Variants in DCDC2C observed in about 807,000 individuals in gnomAD.
DCDC2C encodes doublecortin domain containing 2C.
In DCDC2C, 44 loss-of-function variants were observed where a neutral mutation model predicts 45.0. That is an observed-to-expected ratio of 0.98 (90% CI 0.77 to 1.26). DCDC2C has a LOEUF of 1.26. DCDC2C is among the 50% of genes most tolerant of loss of function. The probability of loss-of-function intolerance (pLI) is 0.00; values close to 1 mark genes in which losing one functional copy is unlikely to be tolerated. For synonymous variants in DCDC2C, 187 were observed against 178.8 expected (o/e 1.05, Z -0.37); for missense variants, 447 against 468.9 (o/e 0.95, Z 0.43).
intron 10 of DCDC2C, among the ~76,000 whole-genome samples, chr2:3,829,506 G>GC (rs1370933286): frequency 1.4e-4 from 22 of 151,978 alleles, no homozygotes; most frequent in Non-Finnish European, 4.4e-5. Flanking sequence ...CTGCCTTTTT[G>GC]ATCACATGTT....
chr2:3,723,604 G>A (rs1458545771), intron 2 of DCDC2C, among the ~76,000 whole-genome samples: 1 of 152,162 alleles, frequency 6.6e-6, no homozygotes, highest in Non-Finnish European at 1.5e-5. Flanking sequence ...GTAAGGGCAG[G>A]CCTTACTGAG....
At chr2:3,793,475 TG>T (rs1425249417) in intron 10 of DCDC2C, among the ~76,000 whole-genome samples, 4 of 152,232 alleles carry the variant, frequency 2.6e-5, no homozygotes, top group Admixed American at 6.5e-5. Context: ...CCAGATGGCC[TG>T]GCTCCCTGTC....
intron 4 of DCDC2C, among the ~76,000 whole-genome samples, chr2:3,747,844 C>T (rs896519862): frequency 1.6e-4 from 25 of 152,176 alleles, no homozygotes; most frequent in African/African-American, 6.0e-4. Flanking sequence ...GGAGCAGACC[C>T]CTGATAAATG....
In DCDC2C at chr2:3,847,745, G is replaced by A. The variant is rs1233197864; in HGVS notation, c.*562G>A. On this transcript the variant is annotated 3_prime_UTR_variant, in exon 11 of 11. Transcript: ENST00000399143. ...TCCCCATGTGTTGGAGGAGGGGGCC[G>A]GTGGGAGGTGATTGAATCATGGGGG... Among the ~76,000 whole-genome samples the A allele has an allele frequency of 3.9e-5, 6 of 152,114 alleles. No homozygotes were observed. Among genetic ancestry groups the A allele is most frequent in the Admixed American group, 6.5e-5 (1 of 15,268 alleles).
intron 10 of DCDC2C, among the ~76,000 whole-genome samples, chr2:3,816,458 T>G (rs1050322668): frequency 6.6e-6 from 1 of 152,122 alleles, no homozygotes; most frequent in South Asian, 2.1e-4. Flanking sequence ...TTTTTAGCAG[T>G]AAGTTGAGGC....
chr2:3,831,194 T>C (rs1671942235), intron 10 of DCDC2C, among the ~76,000 whole-genome samples: 1 of 152,142 alleles, frequency 6.6e-6, no homozygotes, highest in Non-Finnish European at 1.5e-5. Flanking sequence ...CAAATGATCC[T>C]AAAGAAGTTG....
At chr2:3,741,175 TA>T (rs1345561450) in intron 3 of DCDC2C, among the ~76,000 whole-genome samples, 2 of 152,204 alleles carry the variant, frequency 1.3e-5, no homozygotes, top group Non-Finnish European at 2.9e-5. Context: ...CCCCTAAGAT[TA>T]TATTGAAGTT....
chr2:3,706,237 T>C (rs1668061787), intron 1 of DCDC2C, among the ~76,000 whole-genome samples: 1 of 152,220 alleles, frequency 6.6e-6, no homozygotes, highest in African/African-American at 2.4e-5. Flanking sequence ...TGAAGCCTGT[T>C]GATATATTAG....
chr2:3,709,891 T>C (rs73910337), intron 2 of DCDC2C, among the ~76,000 whole-genome samples: 1 of 152,312 alleles, frequency 6.6e-6, no homozygotes, highest in African/African-American at 2.4e-5. Flanking sequence ...TGTTTTCTAG[T>C]AGAGGAAGCC....
chr2:3,753,789 T>A (rs1669610844), intron 5 of DCDC2C, among the ~76,000 whole-genome samples: 1 of 152,196 alleles, frequency 6.6e-6, no homozygotes, highest in Admixed American at 6.5e-5. Flanking sequence ...GTTCACGTGC[T>A]GCTAGGGTTT....
intron 10 of DCDC2C, among the ~76,000 whole-genome samples, chr2:3,787,039 A>G (rs891878005): frequency 4.6e-5 from 7 of 152,194 alleles, no homozygotes; most frequent in Admixed American, 3.3e-4. Flanking sequence ...CCTTGTTGAA[A>G]TCAGTGTAAT....
At position 3,769,406 on chromosome 2, in the gene DCDC2C, G is replaced by A. The variant is rs1261181500; in HGVS notation, c.949G>A (p.Asp317Asn). 1.9e-6 allele frequency: 3 copies of A among 1,550,180 alleles called. No homozygotes were observed. The highest frequency in any genetic ancestry group is 2.7e-5 in the African/African-American group (2 of 73,040). The change falls in exon 8 of 11, where the codon GAC becomes AAC. Residue 317 changes from aspartate to asparagine, a missense_variant. Asp to Asn is a conservative substitution (Grantham distance 23). Transcript: ENST00000399143. Reference sequence around the variant, plus strand: ...CAATGTGCAGCTGGAGGTGCCTGTGGACCAGGTGGGTGTCCGGGGTCCGAT... The same window carrying A: ...CAATGTGCAGCTGGAGGTGCCTGTGAACCAGGTGGGTGTCCGGGGTCCGAT... ...EHNVQLEVPV[D>N]QRQAEIVKED...
At chr2:3,751,792 C>G (rs1209905675) in intron 4 of DCDC2C, among the ~76,000 whole-genome samples, 2 of 152,202 alleles carry the variant, frequency 1.3e-5, no homozygotes, top group Non-Finnish European at 2.9e-5. Flanking sequence ...GGCAATTCTT[C>G]CTCAGTCACA....
intron 10 of DCDC2C, among the ~76,000 whole-genome samples, chr2:3,841,062 C>T (rs980449849): frequency 5.3e-5 from 8 of 152,196 alleles, no homozygotes; most frequent in Non-Finnish European, 8.8e-5. Context: ...GTCAACAATG[C>T]GGTTTTGGCA....
intron 10 of DCDC2C, among the ~76,000 whole-genome samples, chr2:3,809,789 G>GT (rs1375101937): frequency 2.6e-5 from 4 of 151,870 alleles, no homozygotes; most frequent in Non-Finnish European, 5.9e-5. Context: ...TCCCCTCTCT[G>GT]TTGTCCATAT....
intron 6 of DCDC2C, among the ~76,000 whole-genome samples, chr2:3,762,029 A>G (rs1227848497): frequency 1.3e-5 from 2 of 152,212 alleles, no homozygotes; most frequent in African/African-American, 2.4e-5. Context: ...CCCTTTGTAA[A>G]TAGAGCTCAC....
Position 3,734,859 on chromosome 2 carries a change from C to T in DCDC2C, c.417-7061C>T, listed in dbSNP as rs978150166. On this transcript the variant is annotated intron_variant, in intron 3 of 10. Coordinates refer to ENST00000399143, the MANE Select transcript of DCDC2C (RefSeq NM_001287444.2). This position sits in a 1 kb window ranked among gnomAD's most constrained non-coding sequence, Gnocchi z 4.2. ...GAAGTTCAAGGTGGGGGTGAAAGTA[C>T]AGAGCCCTTCAGGTTCATGAAAGTG... 5.9e-5 allele frequency among the ~76,000 whole-genome samples: 9 copies of T among 152,166 alleles called. No homozygotes were observed. The highest frequency in any genetic ancestry group is 3.3e-4 in the Admixed American group (5 of 15,280).
intron 9 of DCDC2C, among the ~76,000 whole-genome samples, chr2:3,781,621 C>A (rs1473457001): frequency 6.6e-6 from 1 of 152,168 alleles, no homozygotes; most frequent in South Asian, 2.1e-4. Flanking sequence ...GCAATTTGGG[C>A]GGCTAATGCA....
chr2:3,836,708 C>T (rs1006459115), intron 10 of DCDC2C, among the ~76,000 whole-genome samples: 1 of 152,126 alleles, frequency 6.6e-6, no homozygotes, highest in Non-Finnish European at 1.5e-5. Context: ...TAAAAATACA[C>T]AAAATTAGCC....
Sources: allele counts gnomAD v4.1 joint callset (sites outside exome capture counted in the v4.1 genomes callset), GRCh38; gene constraint gnomAD v4.1.1; non-coding constraint Gnocchi (gnomAD v3.1); transcripts MANE v1.5; gene names NCBI Gene and HGNC (gene_info 2026-07-23, HGNC 2026-07-21).